Variants in DSCAM observed in about 807,000 individuals in gnomAD.
DSCAM encodes DS cell adhesion molecule, also known as cell adhesion molecule DSCAM.
DSCAM carries 47 observed loss-of-function variants against 217.7 expected under a neutral mutation model. The observed-to-expected ratio is 0.22, with a 90% CI of 0.17 to 0.28. The LOEUF (loss-of-function observed/expected upper bound fraction) is 0.28, where lower values mean the gene tolerates loss of function less well. Among genes scored for constraint, DSCAM ranks in the 10% least tolerant of loss-of-function variants. The pLI, the probability that DSCAM is intolerant of heterozygous loss-of-function variation, is 1.00. For synonymous variants in DSCAM, 1,056 were observed against 1,015.3 expected (o/e 1.04, Z -0.76); for missense variants, 2,080 against 2,618.3 (o/e 0.79, Z 4.49).
chr21:40,714,651 C>A (rs2090821813), intron 1 of DSCAM, among the ~76,000 whole-genome samples: 1 of 152,162 alleles, frequency 6.6e-6, no homozygotes. Context: ...TAGCTCATGG[C>A]TGGAGGGAAT....
At chr21:40,416,866 A>G (rs184060771) in intron 3 of DSCAM, among the ~76,000 whole-genome samples, 69 of 152,308 alleles carry the variant, frequency 4.5e-4, no homozygotes, top group African/African-American at 1.6e-3. Context: ...AAAATTTAAA[A>G]TCTCATTCTT....
intron 11 of DSCAM, among the ~76,000 whole-genome samples, chr21:40,208,390 A>G (rs2091147941): frequency 6.6e-6 from 1 of 152,192 alleles, no homozygotes; most frequent in Non-Finnish European, 1.5e-5. Context: ...GGAAGCAGAC[A>G]CTGCAGTGAG....
intron 3 of DSCAM, among the ~76,000 whole-genome samples, chr21:40,418,189 T>G (rs73902611): frequency 6.6e-6 from 1 of 152,112 alleles, no homozygotes; most frequent in Admixed American, 6.5e-5. Context: ...AGATTCAGTG[T>G]TATCCATTGT....
chr21:40,151,995 T>C (rs376235964), intron 16 of DSCAM, among the ~76,000 whole-genome samples: 2 of 152,192 alleles, frequency 1.3e-5, no homozygotes, highest in Admixed American at 6.5e-5. Flanking sequence ...GCTCACTTAC[T>C]CAGCCAGCCG....
chr21:40,530,410 T>C (rs1025043649), intron 3 of DSCAM, among the ~76,000 whole-genome samples: 7 of 152,222 alleles, frequency 4.6e-5, no homozygotes, highest in Non-Finnish European at 1.0e-4. Context: ...GTCTACAAGT[T>C]GTCTTTTGGG....
intron 21 of DSCAM, among the ~76,000 whole-genome samples, chr21:40,092,588 A>T (rs1568936295): frequency 6.6e-6 from 1 of 152,238 alleles, no homozygotes; most frequent in Non-Finnish European, 1.5e-5. Context: ...GTCTAGAGAT[A>T]GAACTTTGAA....
chr21:40,663,700 C>T (rs1024250961), intron 3 of DSCAM, among the ~76,000 whole-genome samples: 15 of 152,098 alleles, frequency 9.9e-5, no homozygotes, highest in African/African-American at 1.7e-4. Context: ...TTGTGTGCAA[C>T]GTGCCATGCT....
chr21:40,535,430 G>A (rs555742772), intron 3 of DSCAM, among the ~76,000 whole-genome samples: 41 of 152,252 alleles, frequency 2.7e-4, no homozygotes, highest in African/African-American at 9.6e-4. Context: ...ATCTCAATAA[G>A]CCTTAGTTTC....
chr21:40,360,830 C>T (rs1458930101), intron 4 of DSCAM, among the ~76,000 whole-genome samples: 1 of 152,096 alleles, frequency 6.6e-6, no homozygotes, highest in Non-Finnish European at 1.5e-5. Context: ...ATATATTACT[C>T]AGTAATGGGA....
intron 3 of DSCAM, among the ~76,000 whole-genome samples, chr21:40,454,931 G>A (rs754233915): frequency 4.6e-5 from 7 of 152,158 alleles, no homozygotes; most frequent in African/African-American, 1.4e-4. Flanking sequence ...CACAAACTGC[G>A]CACAACCTGC....
At chr21:40,405,119 A>G (rs1008565968) in intron 3 of DSCAM, among the ~76,000 whole-genome samples, 3 of 152,194 alleles carry the variant, frequency 2.0e-5, no homozygotes, top group Non-Finnish European at 4.4e-5. Flanking sequence ...GGCCCCCAGG[A>G]ACTGAGAATC....
At chr21:40,234,911 G>A (rs889247270) in intron 11 of DSCAM, among the ~76,000 whole-genome samples, 3 of 152,070 alleles carry the variant, frequency 2.0e-5, no homozygotes, top group Admixed American at 6.5e-5. Flanking sequence ...CCAGATCTTC[G>A]TAAGCATATC....
chr21:40,317,874 CT>C (rs1208814339), intron 8 of DSCAM, among the ~76,000 whole-genome samples: 4 of 152,072 alleles, frequency 2.6e-5, no homozygotes, highest in Non-Finnish European at 4.4e-5. Context: ...TAGAAAAAAA[CT>C]TTCAGAGGTG....
chr21:40,626,213 C>T (rs539176524), intron 3 of DSCAM, among the ~76,000 whole-genome samples: 2 of 152,128 alleles, frequency 1.3e-5, no homozygotes, highest in South Asian at 4.2e-4. Context: ...TTGATTTTAC[C>T]ATCTTCCTGC....
chr21:40,236,824 C>T (rs894776900), intron 11 of DSCAM, among the ~76,000 whole-genome samples: 2 of 152,174 alleles, frequency 1.3e-5, no homozygotes, highest in Non-Finnish European at 2.9e-5. Flanking sequence ...AAAGATGTTT[C>T]ATCTTACTAG....
intron 10 of DSCAM, among the ~76,000 whole-genome samples, chr21:40,278,535 C>A (rs964672349): frequency 1.4e-4 from 21 of 152,086 alleles, no homozygotes; most frequent in Non-Finnish European, 2.8e-4. Flanking sequence ...GAGTTTGAGA[C>A]TAGCCAGAGT....
chr21:40,627,521 A>C (rs147120901), intron 3 of DSCAM, among the ~76,000 whole-genome samples: 1 of 152,354 alleles, frequency 6.6e-6, no homozygotes, highest in East Asian at 1.9e-4. Flanking sequence ...AATTACAGCG[A>C]GTACATGTTT....
intron 11 of DSCAM, among the ~76,000 whole-genome samples, chr21:40,231,826 A>T (rs1354720608): frequency 6.6e-6 from 1 of 152,190 alleles, no homozygotes; most frequent in East Asian, 1.9e-4. Context: ...TGTTGTAAAG[A>T]TGAGAATGAT....
chr21:40,540,347 C>T (rs1246026919), intron 3 of DSCAM, among the ~76,000 whole-genome samples: 1 of 152,182 alleles, frequency 6.6e-6, no homozygotes, highest in Non-Finnish European at 1.5e-5. Context: ...ACCAATTCCT[C>T]TCTCCCCTCC....
Sources: gnomAD v4.1 joint callset for allele counts (sites outside exome capture counted in the v4.1 genomes callset) on GRCh38, gnomAD v4.1.1 for gene constraint, MANE v1.5 for transcripts, NCBI Gene and HGNC (gene_info 2026-07-23, HGNC 2026-07-21) for gene names.